The following CAPZA1 variants were observed in gnomAD, a reference collection of about 807,000 sequenced individuals.
CAPZA1 encodes F-actin-capping protein subunit alpha-1.
In CAPZA1, 10 loss-of-function variants were observed where a neutral mutation model predicts 40.8. That is an observed-to-expected ratio of 0.25 (90% CI 0.15 to 0.42). The LOEUF (loss-of-function observed/expected upper bound fraction) is 0.42, where lower values mean the gene tolerates loss of function less well. Ranked by LOEUF, CAPZA1 falls within the 10% of genes least tolerant of loss-of-function variation. CAPZA1 has a pLI of 1.00. For synonymous variants in CAPZA1, 98 were observed against 115.0 expected, an observed-to-expected ratio of 0.85 and a Z score of 0.95; for missense variants, 277 against 353.8, an observed-to-expected ratio of 0.78 and a Z score of 1.74.
At chr1:112,668,277 A>AAAAG (rs959720768) in intron 8 of CAPZA1, among the ~76,000 whole-genome samples, 3 of 152,162 alleles carry the variant, frequency 2.0e-5, no homozygotes, top group South Asian at 2.1e-4. Context: ...CCCTGTCTCA[A>AAAAG]AAAGAAAGAA....
Position 112,623,597 on chromosome 1 carries a change from C to T in CAPZA1, c.39+3714C>T, listed in dbSNP as rs186624533. Among the ~76,000 whole-genome samples the T allele has an allele frequency of 2.3e-3, 346 of 151,406 alleles. 1 individual carries two copies. The highest frequency in any genetic ancestry group is 7.7e-3 in the African/African-American group (319 of 41,242). On this transcript the variant is annotated intron_variant, in intron 1 of 9. Transcript: ENST00000263168. ...TCAGTAGGCTGAGGCAGGAGAATCG[C>T]TGGAACCTGGGAGGCGGAGGTTGCG... is the stretch of plus-strand genomic sequence containing the variant.
intron 1 of CAPZA1, among the ~76,000 whole-genome samples, chr1:112,630,135 T>C (rs1670892014): frequency 1.3e-5 from 2 of 151,956 alleles, no homozygotes; most frequent in Non-Finnish European, 2.9e-5. Flanking sequence ...CTCTGCCTCC[T>C]GGGCTCAAGT....
In CAPZA1 at chr1:112,670,125, A is replaced by G; in HGVS notation, c.854A>G (p.Asn285Ser). 1 of 1,613,994 alleles carries G rather than the reference A, an allele frequency of 6.2e-7. No individual in the cohort carries two copies. Among genetic ancestry groups the G allele is most frequent in the Admixed American group, 1.7e-5 (1 of 60,012 alleles). ...TACAAGATTGGCAAAGAAATGCAGAATGCTTAAAGGCTGAATGTAGGATTC... is the reference window on the plus strand; with the variant it reads ...TACAAGATTGGCAAAGAAATGCAGAGTGCTTAAAGGCTGAATGTAGGATTC... ...LSYKIGKEMQ[N>S]A The change falls in exon 10 of 10, where the codon AAT becomes AGT. Residue 285 changes from asparagine to serine, a missense_variant. Physicochemically the swap from Asn to Ser is conservative, Grantham distance 46 (BLOSUM62 1). Coordinates refer to ENST00000263168, the MANE Select transcript of CAPZA1 (RefSeq NM_006135.3).
intron 1 of CAPZA1, among the ~76,000 whole-genome samples, chr1:112,630,212 T>G (rs1323356696): frequency 6.6e-6 from 1 of 151,784 alleles, no homozygotes; most frequent in Non-Finnish European, 1.5e-5. Context: ...TTTTTAAGTA[T>G]TTTTTTTGTA....
chr1:112,652,607 G>A (rs1384552043), intron 3 of CAPZA1, among the ~76,000 whole-genome samples: 1 of 151,684 alleles, frequency 6.6e-6, no homozygotes, highest in East Asian at 1.9e-4. Context: ...TAGTTCATAA[G>A]TGTGATGGTT....
In CAPZA1 at chr1:112,654,632, A is replaced by G. The variant is rs1397281980; in HGVS notation, c.387A>G (p.Arg129=). Residue 129 remains arginine (R), a synonymous_variant, in exon 5 of 10, where the codon AGA becomes AGG. Transcript: ENST00000263168. Reference sequence around the variant, plus strand: ...GAGAATCCTGTGACAGTGCTTTAAGAGCCTATGTGAAAGACCATTATTCCA... The same window carrying G: ...GAGAATCCTGTGACAGTGCTTTAAGGGCCTATGTGAAAGACCATTATTCCA... ...SWRESCDSAL[R]AYVKDHYSNG... The G allele has an allele frequency of 6.2e-7, 1 of 1,613,454 alleles. No homozygotes were observed. The highest frequency in any genetic ancestry group is 1.7e-5 in the Admixed American group (1 of 59,908).
chr1:112,638,967 G>T (rs145289542), intron 1 of CAPZA1, among the ~76,000 whole-genome samples: 2,576 of 148,358 alleles, frequency 0.017, 41 homozygotes, highest in African/African-American at 0.043. Flanking sequence ...GATATATATA[G>T]AGAGAGAATA....
At chr1:112,664,926 ACT>A (rs977331875) in intron 7 of CAPZA1, among the ~76,000 whole-genome samples, 9 of 151,912 alleles carry the variant, frequency 5.9e-5, no homozygotes, top group African/African-American at 1.7e-4. Flanking sequence ...CAAGAACAAG[ACT>A]CTGTCTCAAA....
At chr1:112,662,723 A>G (rs889165965) in intron 7 of CAPZA1, among the ~76,000 whole-genome samples, 1 of 151,994 alleles carries the variant, frequency 6.6e-6, no homozygotes, top group Non-Finnish European at 1.5e-5. Context: ...GAGATCAAAA[A>G]CAGTGAGGCT....
At chr1:112,643,991 T>C (rs1323959413) in intron 1 of CAPZA1, among the ~76,000 whole-genome samples, 1 of 151,134 alleles carries the variant, frequency 6.6e-6, no homozygotes, top group Admixed American at 6.6e-5. Flanking sequence ...ATTACAGGTG[T>C]GTGCCACCAT....
chr1:112,653,819 A>G (rs1275648383), intron 4 of CAPZA1, among the ~76,000 whole-genome samples, 158 bp downstream of exon 4: 9 of 152,194 alleles, frequency 5.9e-5, no homozygotes, highest in Non-Finnish European at 1.2e-4. Flanking sequence ...TCTCTTTCTC[A>G]TAACACTAGC....
chr1:112,620,012 CCGCAG>C, intron 1 of CAPZA1, 129 bp downstream of exon 1: 1 of 713,012 alleles, frequency 1.4e-6, no homozygotes, highest in African/African-American at 1.8e-5. Flanking sequence ...CATACGCTCT[CCGCAG>C]TCGGGACGCT....
intron 1 of CAPZA1, among the ~76,000 whole-genome samples, chr1:112,637,956 C>T (rs1484411214): frequency 6.6e-6 from 1 of 152,168 alleles, no homozygotes; most frequent in Non-Finnish European, 1.5e-5. Context: ...TTTACATTAG[C>T]AGTTTATTGA....
chr1:112,668,484 G>GT lies in CAPZA1; in HGVS notation c.658-1053dup, dbSNP rs1671769048. 2.0e-5 allele frequency among the ~76,000 whole-genome samples: 3 copies of GT among 152,130 alleles called. No homozygotes were observed. The South Asian group carries it at 6.2e-4, about 32-fold the overall frequency. ...GGCGGACTTTATTGTGATATTAGTT[G>GT]TTTTTTGCTTGTTTGTTTGTTTTTT... is the stretch of plus-strand genomic sequence containing the variant. On this transcript the variant is annotated intron_variant, in intron 8 of 9. Transcript: ENST00000263168.
At position 112,630,536 on chromosome 1, in the gene CAPZA1, G is replaced by T. The variant is rs571652568; in HGVS notation, c.39+10653G>T. On this transcript the variant is annotated intron_variant, in intron 1 of 9. Transcript: ENST00000263168. ...TTTTTTGTATTTTTAGTAGAGACGG[G>T]GTTTCACCATCTTGGCCAGACTGAT... Among the ~76,000 whole-genome samples, 296 of 151,996 alleles carry T rather than the reference G, an allele frequency of 1.9e-3. 1 individual carries two copies. Among genetic ancestry groups the T allele is most frequent in the African/African-American group, 6.9e-3 (286 of 41,452 alleles).
intron 5 of CAPZA1, among the ~76,000 whole-genome samples, chr1:112,655,528 A>G (rs1557735448): frequency 6.6e-6 from 1 of 151,440 alleles, no homozygotes; most frequent in Non-Finnish European, 1.5e-5. Context: ...ATCAGGAGTG[A>G]TTTTCTTTTT....
intron 5 of CAPZA1, among the ~76,000 whole-genome samples, chr1:112,657,271 CCTT>C (rs1387925227): frequency 6.6e-6 from 1 of 152,080 alleles, no homozygotes; most frequent in Non-Finnish European, 1.5e-5. Context: ...GCCTATTTCT[CCTT>C]CTTTGTCTGC....
intron 1 of CAPZA1, 57 bp from the exon 2 acceptor site, chr1:112,647,153 T>C: frequency 1.3e-6 from 1 of 786,722 alleles, no homozygotes; most frequent in Non-Finnish European, 2.0e-6. Flanking sequence ...TAATTATTTC[T>C]CCTTTTATAT....
chr1:112,653,585 T>TAAA lies in CAPZA1; in HGVS notation c.156-6_156-4dup. 6.9e-7 allele frequency: 1 copy of TAAA among 1,449,412 alleles called. No individual in the cohort carries two copies. The highest frequency in any genetic ancestry group is 9.4e-7 in the Non-Finnish European group (1 of 1,067,922). The allele number at this position is 1,449,412 out of a possible 1,614,324, so 89.8% of individuals were successfully genotyped here. A position where few individuals can be genotyped will look rare whatever the true frequency, so the allele number is the denominator to read the frequency against. On this transcript the variant is annotated splice_polypyrimidine_tract_variant and intron_variant, in intron 3 of 9. Coordinates refer to ENST00000263168, the MANE Select transcript of CAPZA1 (RefSeq NM_006135.3). ...TTTTTTTTTTTTTTTAAAAAACTTT[T>TAAA]AAAAAAAAACAGTGCATTTGCCCAG... is the stretch of plus-strand genomic sequence containing the variant.
Sources: allele counts gnomAD v4.1 joint callset (sites outside exome capture counted in the v4.1 genomes callset), GRCh38; gene constraint gnomAD v4.1.1; transcripts MANE v1.5; gene names NCBI Gene and HGNC (gene_info 2026-07-23, HGNC 2026-07-21).